The following CAMK1D variants were observed in gnomAD, a reference collection of about 807,000 sequenced individuals.
CAMK1D encodes the protein calcium/calmodulin dependent protein kinase ID, also known as calcium/calmodulin-dependent protein kinase type 1D.
CAMK1D carries 9 observed loss-of-function variants against 47.7 expected under a neutral mutation model. The ratio of observed to expected loss-of-function variants is 0.19; its 90% CI spans 0.11 to 0.33. CAMK1D has a LOEUF of 0.33. Among genes scored for constraint, CAMK1D ranks in the 10% least tolerant of loss-of-function variants. The pLI is 1.00. For synonymous variants in CAMK1D, 184 were observed against 184.9 expected (o/e 0.99, Z 0.04); for missense variants, 291 against 488.7 (o/e 0.60, Z 3.81).
At chr10:12,541,842 T>TCTTCCTTCCTTC (rs150179810) in intron 1 of CAMK1D, among the ~76,000 whole-genome samples, 21,394 of 116,396 alleles carry the variant, frequency 0.18, 2,799 homozygotes, top group Non-Finnish European at 0.22. Flanking sequence ...CTGTGTTTTA[T>TCTTCCTTCCTTC]CTTCCTTCCT....
At chr10:12,639,287 C>T (rs1000986376) in intron 2 of CAMK1D, among the ~76,000 whole-genome samples, 4 of 152,210 alleles carry the variant, frequency 2.6e-5, no homozygotes, top group African/African-American at 9.6e-5. Flanking sequence ...GCGTTCAAGA[C>T]CAGCCTGATC....
chr10:12,505,912 T>C (rs1160280048), intron 1 of CAMK1D, among the ~76,000 whole-genome samples: 2 of 152,186 alleles, frequency 1.3e-5, no homozygotes, highest in African/African-American at 4.8e-5. Context: ...ACATCACATG[T>C]CAATGGAAAT....
intron 2 of CAMK1D, among the ~76,000 whole-genome samples, chr10:12,554,800 T>C (rs1836710018): frequency 6.6e-6 from 1 of 151,976 alleles, no homozygotes; most frequent in South Asian, 2.1e-4. Flanking sequence ...TACCGCAGCC[T>C]CCCAGATTGC....
At chr10:12,420,497 G>A (rs1277080203) in intron 1 of CAMK1D, among the ~76,000 whole-genome samples, 1 of 152,076 alleles carries the variant, frequency 6.6e-6, no homozygotes, top group African/African-American at 2.4e-5. Flanking sequence ...GGTAACTGAG[G>A]TTTACTAATT....
intron 1 of CAMK1D, among the ~76,000 whole-genome samples, chr10:12,394,380 G>T (rs1428981743): frequency 6.6e-6 from 1 of 152,132 alleles, no homozygotes; most frequent in Non-Finnish European, 1.5e-5. Context: ...ATTGGTGACT[G>T]ACTCAACCTC....
intron 3 of CAMK1D, among the ~76,000 whole-genome samples, chr10:12,691,531 C>A (rs939319321): frequency 5.5e-5 from 8 of 146,102 alleles, no homozygotes; most frequent in African/African-American, 1.8e-4. Flanking sequence ...CTCCGGGATT[C>A]AAGGAATTCT....
At chr10:12,363,337 C>T (rs1837736237) in intron 1 of CAMK1D, among the ~76,000 whole-genome samples, 1 of 151,994 alleles carries the variant, frequency 6.6e-6, no homozygotes, top group Non-Finnish European at 1.5e-5. Flanking sequence ...CCACTGCTAC[C>T]TCCTCCTCCC....
chr10:12,480,406 G>C (rs573980986), intron 1 of CAMK1D, among the ~76,000 whole-genome samples: 2 of 152,152 alleles, frequency 1.3e-5, no homozygotes, highest in African/African-American at 4.8e-5. Flanking sequence ...CTGCACTCCA[G>C]CTTGAGCGAC....
Position 12,705,017 on chromosome 10 carries a change from G to C in CAMK1D, c.299+38207G>C, listed in dbSNP as rs528267965. ...GTGTTCCTTCTCTGTAGTGATCAGG[G>C]ATCAGTTAAGTTAGTTGACATACAC... is the stretch of plus-strand genomic sequence containing the variant. On this transcript the variant is annotated intron_variant, in intron 3 of 10. Coordinates refer to ENST00000619168, the MANE Select transcript of CAMK1D (RefSeq NM_153498.4). Among the ~76,000 whole-genome samples, 4 of 152,238 alleles carry C rather than the reference G, an allele frequency of 2.6e-5. No individual in the cohort carries two copies. In the South Asian group the frequency reaches 8.3e-4, roughly 32 times the overall value.
chr10:12,807,583 G>A (rs1353724499), intron 6 of CAMK1D, among the ~76,000 whole-genome samples: 1 of 152,222 alleles, frequency 6.6e-6, no homozygotes, highest in Non-Finnish European at 1.5e-5. Context: ...TGAGCAGGCA[G>A]CGTCCACTGA....
intron 2 of CAMK1D, among the ~76,000 whole-genome samples, chr10:12,590,013 T>TTA (rs750288114): frequency 6.6e-6 from 1 of 152,140 alleles, no homozygotes. Context: ...TCTTTGCCAA[T>TTA]TATAATATGC....
chr10:12,644,545 G>A (rs1220208396), intron 2 of CAMK1D, among the ~76,000 whole-genome samples: 1 of 152,146 alleles, frequency 6.6e-6, no homozygotes, highest in Non-Finnish European at 1.5e-5. Context: ...CCTGGTCACT[G>A]CACCTGGCGA....
chr10:12,737,890 A>G (rs1835255079), intron 3 of CAMK1D, among the ~76,000 whole-genome samples: 1 of 152,234 alleles, frequency 6.6e-6, no homozygotes, highest in Non-Finnish European at 1.5e-5. Flanking sequence ...CCTATACCAT[A>G]CATCAAAATA....
At chr10:12,733,915 C>A (rs1438760103) in intron 3 of CAMK1D, among the ~76,000 whole-genome samples, 4 of 152,034 alleles carry the variant, frequency 2.6e-5, no homozygotes, top group African/African-American at 9.7e-5. Flanking sequence ...TCTTGAAGGA[C>A]CACAGATTTC....
chr10:12,357,080 C>T (rs1837539996), intron 1 of CAMK1D, among the ~76,000 whole-genome samples: 2 of 152,154 alleles, frequency 1.3e-5, no homozygotes, highest in Admixed American at 6.5e-5. Context: ...CCTCTCTCCT[C>T]TGGGAGGGCT....
chr10:12,815,762 T>C (rs565831788), intron 7 of CAMK1D, among the ~76,000 whole-genome samples: 2 of 152,260 alleles, frequency 1.3e-5, no homozygotes, highest in African/African-American at 2.4e-5. Flanking sequence ...GGGTTTGTAA[T>C]AGCCCAAGTA....
chr10:12,731,700 G>A (rs1834891859), intron 3 of CAMK1D, among the ~76,000 whole-genome samples: 1 of 152,200 alleles, frequency 6.6e-6, no homozygotes, highest in South Asian at 2.1e-4. Context: ...CATCGAGTTG[G>A]CAGGTAATAG....
intron 1 of CAMK1D, among the ~76,000 whole-genome samples, chr10:12,489,010 A>G (rs971750864): frequency 6.6e-6 from 1 of 150,580 alleles, no homozygotes; most frequent in Non-Finnish European, 1.5e-5. Context: ...ATCTCGGCTC[A>G]CTGCAAGCTC....
intron 1 of CAMK1D, among the ~76,000 whole-genome samples, chr10:12,443,400 G>T (rs181839820): frequency 6.6e-6 from 1 of 151,922 alleles, no homozygotes; most frequent in Admixed American, 6.6e-5. Context: ...ATATAGTGTC[G>T]TGATGACCTT....
Sources: allele counts gnomAD v4.1 joint callset (sites outside exome capture counted in the v4.1 genomes callset), GRCh38; gene constraint gnomAD v4.1.1; transcripts MANE v1.5; gene names NCBI Gene and HGNC (gene_info 2026-07-23, HGNC 2026-07-21).